Variants in FBN1 observed in about 807,000 individuals in gnomAD.
The protein encoded by FBN1 is fibrillin-1.
In FBN1, 29 loss-of-function variants were observed where a neutral mutation model predicts 365.1. The ratio of observed to expected loss-of-function variants is 0.08; its 90% CI spans 0.06 to 0.11. The LOEUF is 0.11. Among genes scored for constraint, FBN1 ranks in the 10% least tolerant of loss-of-function variants. FBN1 has a pLI of 1.00. For missense variants in FBN1, 2,476 were observed against 3,703.2 expected, an observed-to-expected ratio of 0.67 and a Z score of 8.60; for synonymous variants, 1,210 against 1,270.5, an observed-to-expected ratio of 0.95 and a Z score of 1.01.
intron 6 of FBN1, among the ~76,000 whole-genome samples, chr15:48,542,832 T>TGTGTGTGTGTG (rs1491435027): frequency 2.0e-5 from 3 of 147,800 alleles, no homozygotes; most frequent in Non-Finnish European, 3.0e-5. Flanking sequence ...TGTGTGTGTA[T>TGTGTGTGTGTG]TTTTTTTCCT....
chr15:48,436,157 G>C lies in FBN1; in HGVS notation c.6496+804C>G, dbSNP rs148272679. ...AATTACTGTCAAGAATATTATTTCT[G>C]TTTCAAGTTAATAAAAATCCCGATA... On this transcript the variant is annotated intron_variant, in intron 53 of 65. Transcript: ENST00000316623. Among the ~76,000 whole-genome samples, 143 of 152,184 alleles carry C rather than the reference G, an allele frequency of 9.4e-4. 1 individual carries two copies. Among genetic ancestry groups the C allele is most frequent in the African/African-American group, 3.4e-3 (140 of 41,552 alleles).
chr15:48,495,462 T>A lies in FBN1; in HGVS notation c.2539+7A>T. On this transcript the variant is annotated splice_region_variant and intron_variant, in intron 21 of 65. Coordinates refer to ENST00000316623, the MANE Select transcript of FBN1 (RefSeq NM_000138.5). The stretch of plus-strand genomic sequence containing the variant: ...CATAGAAAAATCATTCTCAGAAAGA[T>A]AAATACCTATGCAGATGGTTTTTGT... The A allele has an allele frequency of 6.2e-7, 1 of 1,613,562 alleles. No homozygotes were observed. Among genetic ancestry groups the A allele is most frequent in the Admixed American group, 1.7e-5 (1 of 59,944 alleles).
chr15:48,607,398 ATGTT>A (rs1475612595), intron 4 of FBN1, among the ~76,000 whole-genome samples: 25 of 149,480 alleles, frequency 1.7e-4, no homozygotes, highest in African/African-American at 6.1e-4. Flanking sequence ...TATTGTCTAA[ATGTT>A]TGTGTCCCCA....
In FBN1 at chr15:48,477,473, T is replaced by C. The variant is rs1181036748; in HGVS notation, c.3965-2823A>G. The stretch of plus-strand genomic sequence containing the variant: ...ATGTAACAATTGGAGAGACTTCAAG[T>C]GGTCATAAAGTATAAAAGCATCTCC... On this transcript the variant is annotated intron_variant, in intron 32 of 65. Transcript: ENST00000316623. Among the ~76,000 whole-genome samples, 4 of 152,166 alleles carry C rather than the reference T, an allele frequency of 2.6e-5. 1 individual carries two copies. The highest frequency in any genetic ancestry group is 9.7e-5 in the African/African-American group (4 of 41,440).
chr15:48,569,950 T>C (rs903695007), intron 6 of FBN1, among the ~76,000 whole-genome samples: 1 of 152,136 alleles, frequency 6.6e-6, no homozygotes, highest in Non-Finnish European at 1.5e-5. Context: ...GTGAATTTTA[T>C]GGTATGTAAA....
chr15:48,507,226 C>A (rs1049035937), intron 15 of FBN1, among the ~76,000 whole-genome samples: 2 of 151,996 alleles, frequency 1.3e-5, no homozygotes, highest in Admixed American at 1.3e-4. Context: ...CACAAAGGGG[C>A]TTTCATATCT....
chr15:48,639,874 T>C (rs1890167826), intron 2 of FBN1, among the ~76,000 whole-genome samples: 1 of 152,206 alleles, frequency 6.6e-6, no homozygotes, highest in South Asian at 2.1e-4. Flanking sequence ...AAAACATTTG[T>C]AAAATCTTAT....
In FBN1 at chr15:48,411,354, A is replaced by G; in HGVS notation, c.8252T>C (p.Val2751Ala). 1 of 1,614,048 alleles carries G rather than the reference A, an allele frequency of 6.2e-7. No homozygotes were observed. Among genetic ancestry groups the G allele is most frequent in the Non-Finnish European group, 8.5e-7 (1 of 1,179,970 alleles). The change falls in exon 66 of 66, where the codon GTG becomes GCG. Residue 2751 changes from valine (V) to alanine (A), a missense_variant. By Grantham distance (64) the Val-to-Ala change is moderately conservative (BLOSUM62 0). Transcript: ENST00000316623. ...IEDQSETEANVSLASWDVEKT... is the reference protein window; with the variant it reads ...IEDQSETEANASLASWDVEKT... ...CTCAACATCCCAACTTGCAAGACTCACATTGGCTTCTGTCTCAGACTGATC... is the reference window on the plus strand; with the variant it reads ...CTCAACATCCCAACTTGCAAGACTCGCATTGGCTTCTGTCTCAGACTGATC...
intron 6 of FBN1, among the ~76,000 whole-genome samples, chr15:48,570,638 C>G (rs993486804): frequency 6.6e-6 from 1 of 152,176 alleles, no homozygotes; most frequent in East Asian, 1.9e-4. Context: ...AGGGTGCTCA[C>G]TACATTTAAA....
intron 9 of FBN1, among the ~76,000 whole-genome samples, chr15:48,521,861 G>A (rs1384581097): frequency 6.6e-6 from 1 of 152,196 alleles, no homozygotes; most frequent in African/African-American, 2.4e-5. Flanking sequence ...TAAAGCAGGG[G>A]TCTCTAACCC....
intron 6 of FBN1, among the ~76,000 whole-genome samples, chr15:48,551,922 G>T (rs954985457): frequency 6.6e-6 from 1 of 152,084 alleles, no homozygotes; most frequent in Non-Finnish European, 1.5e-5. Context: ...ACAGTTAGGT[G>T]GATTTCATTT....
At chr15:48,570,772 C>G (rs2044300741) in intron 6 of FBN1, among the ~76,000 whole-genome samples, 2 of 152,170 alleles carry the variant, frequency 1.3e-5, no homozygotes, top group East Asian at 1.9e-4. Flanking sequence ...AAAAAGAAAG[C>G]CTTTCAGTCA....
At chr15:48,459,159 T>C (rs552052741) in intron 43 of FBN1, among the ~76,000 whole-genome samples, 1 of 152,324 alleles carries the variant, frequency 6.6e-6, no homozygotes, top group South Asian at 2.1e-4. Flanking sequence ...ACTGCCAAAC[T>C]TGGAGGGCAG....
At chr15:48,422,777 T>C (rs2042953336) in intron 60 of FBN1, among the ~76,000 whole-genome samples, 1 of 152,036 alleles carries the variant, frequency 6.6e-6, no homozygotes, top group Admixed American at 6.5e-5. Flanking sequence ...CTGGGCAACA[T>C]GGCAAAACCT....
At chr15:48,553,716 C>T (rs2044159835) in intron 6 of FBN1, among the ~76,000 whole-genome samples, 1 of 151,954 alleles carries the variant, frequency 6.6e-6, no homozygotes, top group Non-Finnish European at 1.5e-5. Context: ...AAGATTCATC[C>T]AGACCTTGGA....
intron 56 of FBN1, 67 bp from the exon 57 acceptor site, chr15:48,428,538 T>C: frequency 6.3e-7 from 1 of 1,580,156 alleles, no homozygotes; most frequent in Non-Finnish European, 8.7e-7. Context: ...AGGATGGAGC[T>C]CCTTCCTTCG....
At chr15:48,619,395 T>C (rs1010775604) in intron 2 of FBN1, among the ~76,000 whole-genome samples, 3 of 152,140 alleles carry the variant, frequency 2.0e-5, no homozygotes, top group Non-Finnish European at 2.9e-5. Context: ...CCATCACCAG[T>C]AGATTGGTGA....
chr15:48,504,074 T>C, intron 16 of FBN1, 135 bp from the exon 17 acceptor site: 1 of 1,063,266 alleles, frequency 9.4e-7, no homozygotes, highest in South Asian at 1.3e-5. Context: ...ATATCGGGGC[T>C]CCATTTGAAG....
intron 2 of FBN1, among the ~76,000 whole-genome samples, chr15:48,640,571 T>A (rs1160256395): frequency 6.6e-6 from 1 of 152,228 alleles, no homozygotes; most frequent in Non-Finnish European, 1.5e-5. Flanking sequence ...CATCACATAA[T>A]CTACCATGGG....
Sources: allele counts gnomAD v4.1 joint callset (sites outside exome capture counted in the v4.1 genomes callset), GRCh38; gene constraint gnomAD v4.1.1; transcripts MANE v1.5; gene names NCBI Gene and HGNC (gene_info 2026-07-23, HGNC 2026-07-21).